PLSCR2: variants seen among roughly 807,000 people sequenced by gnomAD.
PLSCR2 encodes the protein PL scramblase 2.
PLSCR2 carries 18 observed loss-of-function variants against 25.3 expected under a neutral mutation model. The observed-to-expected ratio is 0.71, with a 90% CI of 0.49 to 1.06. The LOEUF (loss-of-function observed/expected upper bound fraction) is 1.06, where lower values mean the gene tolerates loss of function less well. Among genes scored for constraint, PLSCR2 ranks in the 50% least tolerant of loss-of-function variants. PLSCR2 has a pLI of 0.00. For missense variants in PLSCR2, 243 were observed against 269.5 expected (o/e 0.90, Z 0.69); for synonymous variants, 88 against 87.3 (o/e 1.01, Z -0.04).
intron 2 of PLSCR2, among the ~76,000 whole-genome samples, chr3:146,407,453 T>G (rs1025279227): frequency 6.6e-6 from 1 of 152,238 alleles, no homozygotes; most frequent in African/African-American, 2.4e-5. Context: ...AAAGTCAATT[T>G]CCCAGTTTTC....
In PLSCR2 at chr3:146,423,275, CT is replaced by C. The variant is rs767380405; in HGVS notation, c.101-27355del. 2.9e-3 allele frequency among the ~76,000 whole-genome samples: 409 copies of C among 140,438 alleles called. 16 individuals carry two copies. The highest frequency in any genetic ancestry group is 0.011 in the Middle Eastern group (3 of 278). 92.1% of individuals were successfully genotyped at this position (140,438 alleles called of 152,430 possible). On this transcript the variant is annotated intron_variant and NMD_transcript_variant, in intron 2 of 3. Transcript: ENST00000463633. ...TCTCTCTCTCTCTCTCTCTCTCTCT[CT>C]CTCTCTCCCTGGCTAGATTCTCACA...
At chr3:146,449,726 C>T (rs570651862) in intron 5 of PLSCR2, among the ~76,000 whole-genome samples, 37 of 152,042 alleles carry the variant, frequency 2.4e-4, no homozygotes, top group African/African-American at 8.4e-4. Context: ...TTCTAGAAGC[C>T]ATCAGGAAGG....
chr3:146,412,381 A>G (rs186230123), intron 2 of PLSCR2, among the ~76,000 whole-genome samples: 119 of 152,236 alleles, frequency 7.8e-4, no homozygotes, highest in Non-Finnish European at 1.4e-3. Context: ...TTTGAAATCT[A>G]CATGGAAGCT....
chr3:146,461,197 T>A (rs1244275766), upstream of PLSCR2, among the ~76,000 whole-genome samples: 1 of 152,218 alleles, frequency 6.6e-6, no homozygotes, highest in Admixed American at 6.5e-5. Context: ...CAAGGGACTA[T>A]GTTCCTCAAT....
At chr3:146,418,451 A>G (rs1015771480) in intron 2 of PLSCR2, among the ~76,000 whole-genome samples, 4 of 152,198 alleles carry the variant, frequency 2.6e-5, no homozygotes, top group Non-Finnish European at 4.4e-5. Flanking sequence ...TTGTAAAACA[A>G]GAAAACATGT....
intron 6 of PLSCR2, among the ~76,000 whole-genome samples, chr3:146,443,271 T>C (rs550261760): frequency 1.4e-4 from 21 of 152,186 alleles, no homozygotes; most frequent in African/African-American, 4.1e-4. Flanking sequence ...ATCAGAGAAA[T>C]ACTGGCCTCA....
intron 1 of PLSCR2, among the ~76,000 whole-genome samples, chr3:146,479,416 A>G (rs571852983): frequency 6.6e-6 from 1 of 152,340 alleles, no homozygotes; most frequent in East Asian, 1.9e-4. Flanking sequence ...GCAAATGAAA[A>G]GCAAAACAAA....
At chr3:146,435,166 T>C (rs1449384974) in intron 8 of PLSCR2, among the ~76,000 whole-genome samples, 1 of 152,178 alleles carries the variant, frequency 6.6e-6, no homozygotes, top group Non-Finnish European at 1.5e-5. Flanking sequence ...TAATCCAGTC[T>C]ATCATTGATG....
At chr3:146,440,324 C>T (rs1295293967), downstream of PLSCR2, among the ~76,000 whole-genome samples, 1 of 152,192 alleles carries the variant, frequency 6.6e-6, no homozygotes, top group Non-Finnish European at 1.5e-5. Context: ...ACATTTAAGT[C>T]CACAAAAGTT....
chr3:146,461,126 C>T (rs1004680976), upstream of PLSCR2, among the ~76,000 whole-genome samples: 6 of 152,104 alleles, frequency 3.9e-5, no homozygotes, highest in Non-Finnish European at 7.4e-5. Flanking sequence ...TGCAATGATG[C>T]TTCATAAGCT....
At chr3:146,484,634 T>C (rs1267525257) in intron 1 of PLSCR2, among the ~76,000 whole-genome samples, 2 of 152,128 alleles carry the variant, frequency 1.3e-5, no homozygotes, top group Non-Finnish European at 2.9e-5. Context: ...GTGGCTGATA[T>C]TCAACATTCT....
At chr3:146,487,566 T>C (rs2043391334) in intron 1 of PLSCR2, among the ~76,000 whole-genome samples, 1 of 152,014 alleles carries the variant, frequency 6.6e-6, no homozygotes. Flanking sequence ...GAACTCCCAT[T>C]TACAATTGCT....
At chr3:146,455,337 A>G (rs1418645201) in exon 4 of PLSCR2, 1 of 1,613,818 alleles carries the variant, frequency 6.2e-7, no homozygotes, top group Non-Finnish European at 8.5e-7. Flanking sequence ...CTCAAGGTAA[A>G]AGGTCTAGAC....
At chr3:146,470,043 G>C (rs2042057108) in intron 1 of PLSCR2, among the ~76,000 whole-genome samples, 1 of 152,088 alleles carries the variant, frequency 6.6e-6, no homozygotes, top group Non-Finnish European at 1.5e-5. Context: ...AGGGAGCTTA[G>C]ACTACAAAAG....
At position 146,446,275 on chromosome 3, in the gene PLSCR2, G is replaced by C. The variant is rs1031881218; in HGVS notation, c.645+2931C>G. Among the ~76,000 whole-genome samples, 5 of 152,148 alleles carry C rather than the reference G, an allele frequency of 3.3e-5. No homozygotes were observed. The South Asian group carries it at 1.0e-3, about 32-fold the overall frequency. On this transcript the variant is annotated intron_variant, in intron 6 of 6. Transcript: ENST00000610787. ...ATTGCAGTCTTTGCAGTCTGGGCTTGTTTGTACCTGTCCTTCTTGGGAAGG... is the reference window on the plus strand; with the variant it reads ...ATTGCAGTCTTTGCAGTCTGGGCTTCTTTGTACCTGTCCTTCTTGGGAAGG...
chr3:146,490,561 A>G (rs2043511351), intron 1 of PLSCR2, among the ~76,000 whole-genome samples: 1 of 152,068 alleles, frequency 6.6e-6, no homozygotes, highest in Admixed American at 6.6e-5. Flanking sequence ...GTTTACATAT[A>G]TTTAGGATAG....
chr3:146,472,772 T>C (rs1307884242), intron 1 of PLSCR2, among the ~76,000 whole-genome samples: 1 of 152,170 alleles, frequency 6.6e-6, no homozygotes, highest in East Asian at 1.9e-4. Context: ...GCAACATCTG[T>C]CTTAGCTCCT....
chr3:146,415,686 C>A (rs1186435206), intron 2 of PLSCR2, among the ~76,000 whole-genome samples: 1 of 151,874 alleles, frequency 6.6e-6, no homozygotes, highest in Non-Finnish European at 1.5e-5. Flanking sequence ...TGATTACAGA[C>A]AACTAAATTG....
At chr3:146,455,684 A>G (rs2041177348) in intron 3 of PLSCR2, among the ~76,000 whole-genome samples, 1 of 152,180 alleles carries the variant, frequency 6.6e-6, no homozygotes, top group South Asian at 2.1e-4. Context: ...TGGAAAACAA[A>G]GCAGGTCATA....
Sources: gnomAD v4.1 joint callset for allele counts (sites outside exome capture counted in the v4.1 genomes callset) on GRCh38, gnomAD v4.1.1 for gene constraint, MANE v1.5 for transcripts, NCBI Gene and HGNC (gene_info 2026-07-23, HGNC 2026-07-21) for gene names.